The following KCNN2 variants were observed in gnomAD, a reference collection of about 807,000 sequenced individuals.
The protein encoded by KCNN2 is potassium calcium-activated channel subfamily N member 2, also known as small conductance calcium-activated potassium channel protein 2.
A neutral mutation model predicts 55.5 loss-of-function variants in KCNN2; 24 were observed. That is an observed-to-expected ratio of 0.43 (90% CI 0.31 to 0.61). KCNN2 has a LOEUF of 0.61. Among genes scored for constraint, KCNN2 ranks in the 20% least tolerant of loss-of-function variants. KCNN2 has a pLI of 0.08. For synonymous variants in KCNN2, 431 were observed against 336.1 expected (o/e 1.28, Z -3.09); for missense variants, 754 against 853.6 (o/e 0.88, Z 1.45).
intron 3 of KCNN2, among the ~76,000 whole-genome samples, chr5:114,461,416 T>TAATC (rs1187069358): frequency 6.6e-6 from 1 of 152,178 alleles, no homozygotes; most frequent in East Asian, 1.9e-4. Flanking sequence ...AGGATGCTCC[T>TAATC]AATCAGGCTG....
At chr5:114,298,596 T>C (rs1238043752) in intron 2 of KCNN2, among the ~76,000 whole-genome samples, 1 of 152,124 alleles carries the variant, frequency 6.6e-6, no homozygotes, top group Middle Eastern at 3.2e-3. Context: ...ATATAAAATA[T>C]CATCACAAAT....
At chr5:114,082,760 A>G (rs989347086) in intron 1 of KCNN2, among the ~76,000 whole-genome samples, 8 of 152,222 alleles carry the variant, frequency 5.3e-5, no homozygotes, top group East Asian at 1.9e-4. Context: ...TATATGCTAT[A>G]GCATGGATGA....
chr5:114,256,315 T>C (rs1472886192), intron 2 of KCNN2, among the ~76,000 whole-genome samples: 1 of 152,198 alleles, frequency 6.6e-6, no homozygotes, highest in Non-Finnish European at 1.5e-5. Context: ...AGCTTGGCTA[T>C]TAGGAAGAGT....
At chr5:114,406,458 A>G (rs529622868) in intron 3 of KCNN2, among the ~76,000 whole-genome samples, 1 of 151,976 alleles carries the variant, frequency 6.6e-6, no homozygotes, top group Admixed American at 6.5e-5. Context: ...TTCTATGTTT[A>G]CATTGTTATT....
At chr5:114,205,985 A>T (rs955947607) in intron 1 of KCNN2, among the ~76,000 whole-genome samples, 1 of 152,184 alleles carries the variant, frequency 6.6e-6, no homozygotes, top group Non-Finnish European at 1.5e-5. Context: ...TCTACTCTAG[A>T]TGTTCTTTAC....
intron 2 of KCNN2, among the ~76,000 whole-genome samples, chr5:114,272,348 A>G (rs1421707242): frequency 1.9e-5 from 1 of 51,538 alleles, no homozygotes; most frequent in African/African-American, 4.6e-5. Flanking sequence ...ACATATATGT[A>G]TGTACATACC....
At chr5:114,303,681 A>G (rs1756212456) in intron 2 of KCNN2, among the ~76,000 whole-genome samples, 1 of 152,220 alleles carries the variant, frequency 6.6e-6, no homozygotes, top group Non-Finnish European at 1.5e-5. Context: ...AGTAGCAATA[A>G]AAATATACTT....
At chr5:114,379,378 C>T (rs970838680) in intron 2 of KCNN2, among the ~76,000 whole-genome samples, 2 of 150,354 alleles carry the variant, frequency 1.3e-5, no homozygotes, top group Non-Finnish European at 2.9e-5. Context: ...TTCCCGGGTC[C>T]TCCTACAATC....
intron 1 of KCNN2, among the ~76,000 whole-genome samples, chr5:114,119,057 A>T (rs1305030548): frequency 2.0e-5 from 3 of 152,208 alleles, no homozygotes; most frequent in Admixed American, 1.3e-4. Context: ...AAAGGTGTTG[A>T]TGCCTAAACA....
chr5:114,365,777 A>G (rs1215472544), intron 2 of KCNN2, among the ~76,000 whole-genome samples: 1 of 152,266 alleles, frequency 6.6e-6, no homozygotes, highest in Non-Finnish European at 1.5e-5. Flanking sequence ...TTAAAAATCA[A>G]GTTAACTTGA....
At chr5:114,164,763 TCCC>T (rs1752873256) in intron 1 of KCNN2, among the ~76,000 whole-genome samples, 1 of 152,166 alleles carries the variant, frequency 6.6e-6, no homozygotes, top group Non-Finnish European at 1.5e-5. Flanking sequence ...ACAACTTAGC[TCCC>T]TTTTTTATTA....
At chr5:114,121,546 A>G (rs1751830250) in intron 1 of KCNN2, among the ~76,000 whole-genome samples, 1 of 152,176 alleles carries the variant, frequency 6.6e-6, no homozygotes, top group Non-Finnish European at 1.5e-5. Flanking sequence ...AGAAGGCAGC[A>G]AGATTGGAGA....
intron 6 of KCNN2, among the ~76,000 whole-genome samples, chr5:114,487,857 A>G (rs962405259): frequency 5.3e-5 from 8 of 152,222 alleles, no homozygotes; most frequent in Non-Finnish European, 8.8e-5. Context: ...TGCCATGCAG[A>G]CTTGCTCTTA....
chr5:114,198,323 C>T (rs963298899), intron 1 of KCNN2, among the ~76,000 whole-genome samples: 7 of 32,352 alleles, frequency 2.2e-4, no homozygotes, highest in African/African-American at 8.3e-4. Flanking sequence ...TTGCACCAAC[C>T]TCATATATAT....
intron 2 of KCNN2, among the ~76,000 whole-genome samples, chr5:114,281,401 G>A (rs549960711): frequency 6.6e-6 from 1 of 152,118 alleles, no homozygotes; most frequent in African/African-American, 2.4e-5. Flanking sequence ...TAAAGACTGA[G>A]AAATCTGGCA....
intron 1 of KCNN2, among the ~76,000 whole-genome samples, chr5:114,200,634 T>G (rs918385419): frequency 3.3e-5 from 5 of 152,166 alleles, no homozygotes; most frequent in African/African-American, 9.7e-5. Context: ...ACATCTGGTA[T>G]AGCTGTCACT....
intron 2 of KCNN2, among the ~76,000 whole-genome samples, chr5:114,229,682 AT>A (rs1295923298): frequency 1.3e-5 from 2 of 152,106 alleles, no homozygotes; most frequent in Admixed American, 1.3e-4. Flanking sequence ...TTTACGTACA[AT>A]TTTTTAAAGA....
At chr5:114,328,424 C>A (rs531772728) in intron 2 of KCNN2, among the ~76,000 whole-genome samples, 1 of 152,274 alleles carries the variant, frequency 6.6e-6, no homozygotes, top group East Asian at 1.9e-4. Context: ...CTACTGCCCA[C>A]CCCCATCCCC....
intron 2 of KCNN2, among the ~76,000 whole-genome samples, chr5:114,283,607 C>T (rs947928514): frequency 2.0e-5 from 3 of 152,076 alleles, no homozygotes; most frequent in East Asian, 1.9e-4. Context: ...TATAGTCTTT[C>T]GTTGTTGCCT....
Sources: allele counts gnomAD v4.1 joint callset (sites outside exome capture counted in the v4.1 genomes callset), GRCh38; gene constraint gnomAD v4.1.1; transcripts MANE v1.5; gene names NCBI Gene and HGNC (gene_info 2026-07-23, HGNC 2026-07-21).